Variants in RXFP2 observed in about 807,000 individuals in gnomAD.
RXFP2 encodes relaxin family peptide receptor 2.
Under a neutral mutation model 88.6 loss-of-function variants are expected in RXFP2, and 68 were observed. The ratio of observed to expected loss-of-function variants is 0.77; its 90% CI spans 0.63 to 0.94. The LOEUF (loss-of-function observed/expected upper bound fraction) is 0.94. Among genes scored for constraint, RXFP2 ranks in the 40% least tolerant of loss-of-function variants. The probability of loss-of-function intolerance (pLI) is 0.00; values close to 1 mark genes in which losing one functional copy is unlikely to be tolerated. For synonymous variants in RXFP2, 329 were observed against 306.8 expected (o/e 1.07, Z -0.76); for missense variants, 791 against 893.9 (o/e 0.88, Z 1.47).
At chr13:31,751,219 G>A (rs767139375) in intron 1 of RXFP2, among the ~76,000 whole-genome samples, 1 of 152,146 alleles carries the variant, frequency 6.6e-6, no homozygotes, top group South Asian at 2.1e-4. Context: ...TTGAACCCTG[G>A]AGGCGGAGGT....
At position 31,789,102 on chromosome 13, in the gene RXFP2, C is replaced by T; in HGVS notation, c.1074-20C>T. On this transcript the variant is annotated intron_variant, in intron 13 of 17. Coordinates refer to ENST00000298386, the MANE Select transcript of RXFP2 (RefSeq NM_130806.5). ...ACGTTTCATCTCAACACCATTAAACCTATCGTGTGTATTTTCCAGAGACCT... is the reference window on the plus strand; with the variant it reads ...ACGTTTCATCTCAACACCATTAAACTTATCGTGTGTATTTTCCAGAGACCT... 6.7e-7 allele frequency: 1 copy of T among 1,498,508 alleles called. No individual in the cohort carries two copies. Among genetic ancestry groups the T allele is most frequent in the South Asian group, 1.1e-5 (1 of 88,668 alleles). The allele number at this position is 1,498,508 out of a possible 1,614,324, so 92.8% of individuals were successfully genotyped here.
At position 31,774,781 on chromosome 13, in the gene RXFP2, T is replaced by C. The variant is rs555989789; in HGVS notation, c.569+90T>C. The C allele has an allele frequency of 1.5e-5, 12 of 782,630 alleles. No individual in the cohort carries two copies. The South Asian group carries it at 1.6e-4, about 11-fold the overall frequency. 48.5% of individuals were successfully genotyped at this position (782,630 alleles called of 1,614,324 possible). A position where few individuals can be genotyped will look rare whatever the true frequency, so the allele number is the denominator to read the frequency against. ...ACTTTTTCAAGGCTCGACTTGATTGTAGGGAAGTGGGAGGAATAGGTTATC... is the reference window on the plus strand; with the variant it reads ...ACTTTTTCAAGGCTCGACTTGATTGCAGGGAAGTGGGAGGAATAGGTTATC... On this transcript the variant is annotated intron_variant, in intron 6 of 17. Coordinates refer to ENST00000298386, the MANE Select transcript of RXFP2 (RefSeq NM_130806.5).
intron 13 of RXFP2, 80 bp from the exon 14 acceptor site, chr13:31,789,042 A>G (rs2138452274): frequency 6.9e-6 from 6 of 866,096 alleles, no homozygotes; most frequent in South Asian, 1.3e-5. Flanking sequence ...TTGAAGCATT[A>G]TATTTCGGAT....
rs557161049 is a variant in RXFP2 at position 31,766,355 on chromosome 13, G to GA, written c.497+337dup. Among the ~76,000 whole-genome samples the GA allele has an allele frequency of 2.7e-3, 410 of 150,196 alleles. 3 individuals carry two copies. The highest frequency in any genetic ancestry group is 9.0e-3 in the African/African-American group (368 of 40,966). On this transcript the variant is annotated intron_variant, in intron 5 of 17. Coordinates refer to ENST00000298386, the MANE Select transcript of RXFP2 (RefSeq NM_130806.5). ...CAGATTCAGAGGCACTTTTTCACTT[G>GA]AAAAAAAAAGAGTGACAGCATAAAC...
intron 1 of RXFP2, among the ~76,000 whole-genome samples, chr13:31,750,855 T>G (rs536926540): frequency 6.6e-6 from 1 of 152,328 alleles, no homozygotes; most frequent in Admixed American, 6.5e-5. Context: ...GACATTGACT[T>G]ACTTGTATGG....
Position 31,786,363 on chromosome 13 carries a change from GT to G in RXFP2, c.930-16del. 7 of 1,550,474 alleles carry G rather than the reference GT, an allele frequency of 4.5e-6. No homozygotes were observed. The highest frequency in any genetic ancestry group is 6.2e-6 in the Non-Finnish European group (7 of 1,122,412). On this transcript the variant is annotated intron_variant, in intron 11 of 17. Transcript: ENST00000298386. ...TTTACTTCCAAAGTAATTGCTTTGG[GT>G]TTTCATTGTCGTCAACAGGGATCTG...
In RXFP2 at chr13:31,777,369, T is replaced by C. The variant is rs772905468; in HGVS notation, c.642-7T>C. 13 of 1,600,570 alleles carry C rather than the reference T, an allele frequency of 8.1e-6. No homozygotes were observed. The highest frequency in any genetic ancestry group is 2.7e-5 in the African/African-American group (2 of 74,680). The stretch of plus-strand genomic sequence containing the variant: ...TATTGGAAATGTTTCTTGATACATT[T>C]TGTCAGAATTCTAGATGACAATCCA... On this transcript the variant is annotated splice_region_variant and splice_polypyrimidine_tract_variant and intron_variant, in intron 7 of 17. Coordinates refer to ENST00000298386, the MANE Select transcript of RXFP2 (RefSeq NM_130806.5).
chr13:31,794,653 A>G (rs1472063014), intron 16 of RXFP2, among the ~76,000 whole-genome samples: 1 of 152,144 alleles, frequency 6.6e-6, no homozygotes, highest in Non-Finnish European at 1.5e-5. Context: ...CCCAAAAGAA[A>G]TGAATTCAAA....
intron 5 of RXFP2, among the ~76,000 whole-genome samples, chr13:31,766,554 C>G (rs1446809048): frequency 6.6e-6 from 1 of 151,996 alleles, no homozygotes; most frequent in African/African-American, 2.4e-5. Context: ...AAAGAAGGGC[C>G]AATATGCTTC....
chr13:31,783,866 G>A (rs1451605566), intron 11 of RXFP2, among the ~76,000 whole-genome samples: 1 of 152,010 alleles, frequency 6.6e-6, no homozygotes, highest in Non-Finnish European at 1.5e-5. Context: ...ACCCAGGCTG[G>A]AGTGCAATGG....
intron 5 of RXFP2, among the ~76,000 whole-genome samples, chr13:31,767,614 T>A (rs2138419514): frequency 6.6e-6 from 1 of 152,284 alleles, no homozygotes; most frequent in African/African-American, 2.4e-5. Flanking sequence ...GTCATAGAAG[T>A]TTTAAGAATT....
chr13:31,757,297 AC>A (rs1872001179), intron 1 of RXFP2, among the ~76,000 whole-genome samples: 1 of 152,188 alleles, frequency 6.6e-6, no homozygotes, highest in Non-Finnish European at 1.5e-5. Flanking sequence ...ATTCAAAGCC[AC>A]CCTGTGTCAC....
At position 31,758,394 on chromosome 13, in the gene RXFP2, AGAG is replaced by A; in HGVS notation, c.232_234del (p.Glu78del). Reference sequence around the variant, plus strand: ...ATGACTGTGGGAACGGGGCGGACGAAGAGAACTGTGGTGAGTGCTCCCCTCGGC... The same window carrying A: ...ATGACTGTGGGAACGGGGCGGACGAAAACTGTGGTGAGTGCTCCCCTCGGC... On this transcript the variant is annotated inframe_deletion, in exon 2 of 18. Coordinates refer to ENST00000298386, the MANE Select transcript of RXFP2 (RefSeq NM_130806.5). The A allele has an allele frequency of 6.2e-7, 1 of 1,614,060 alleles. No homozygotes were observed. The highest frequency in any genetic ancestry group is 2.2e-5 in the East Asian group (1 of 44,864).
At chr13:31,774,814 A>G in intron 6 of RXFP2, 123 bp downstream of exon 6, 1 of 705,944 alleles carries the variant, frequency 1.4e-6, no homozygotes, top group Non-Finnish European at 2.6e-6. Context: ...ATCACAAAGT[A>G]CTTAGATTAG....
At chr13:31,769,145 C>T (rs1872649970) in intron 5 of RXFP2, among the ~76,000 whole-genome samples, 1 of 152,010 alleles carries the variant, frequency 6.6e-6, no homozygotes, top group Non-Finnish European at 1.5e-5. Flanking sequence ...GCTTAATTTC[C>T]AATCAAGAAA....
intron 5 of RXFP2, among the ~76,000 whole-genome samples, chr13:31,770,056 A>T (rs1872681511): frequency 1.3e-5 from 2 of 152,222 alleles, no homozygotes; most frequent in Admixed American, 6.5e-5. Context: ...AAAAATTATA[A>T]AACTGCTTGA....
At chr13:31,743,981 T>A (rs998244009) in intron 1 of RXFP2, among the ~76,000 whole-genome samples, 2 of 152,160 alleles carry the variant, frequency 1.3e-5, no homozygotes, top group Non-Finnish European at 2.9e-5. Flanking sequence ...CCCCCTTAAG[T>A]ATTCCTGTCT....
At chr13:31,798,369 G>C (rs1194804105) in intron 17 of RXFP2, among the ~76,000 whole-genome samples, 1 of 152,206 alleles carries the variant, frequency 6.6e-6, no homozygotes, top group Non-Finnish European at 1.5e-5. Context: ...AGGCCGTGTA[G>C]GATACGAAAG....
chr13:31,800,114 C>T (rs1444610721), intron 17 of RXFP2, among the ~76,000 whole-genome samples: 1 of 152,210 alleles, frequency 6.6e-6, no homozygotes, highest in Non-Finnish European at 1.5e-5. Context: ...GTTGACAAAG[C>T]TTCTTCTCGC....
Sources: allele counts gnomAD v4.1 joint callset (sites outside exome capture counted in the v4.1 genomes callset), GRCh38; gene constraint gnomAD v4.1.1; transcripts MANE v1.5; gene names NCBI Gene and HGNC (gene_info 2026-07-23, HGNC 2026-07-21).